KIFAP3: variants seen among roughly 807,000 people sequenced by gnomAD.
The protein encoded by KIFAP3 is kinesin-associated protein 3.
In KIFAP3, 68 loss-of-function variants were observed where a neutral mutation model predicts 106.5. That is an observed-to-expected ratio of 0.64 (90% CI 0.53 to 0.78). KIFAP3 has a LOEUF of 0.78. KIFAP3 is among the 30% of genes least tolerant of loss of function. KIFAP3 has a pLI of 0.00. For synonymous variants in KIFAP3, 320 were observed against 311.5 expected, an observed-to-expected ratio of 1.03 and a Z score of -0.29; for missense variants, 780 against 941.8, an observed-to-expected ratio of 0.83 and a Z score of 2.25.
intron 10 of KIFAP3, among the ~76,000 whole-genome samples, chr1:170,015,077 T>G (rs1422800751): frequency 6.6e-6 from 1 of 152,182 alleles, no homozygotes; most frequent in Non-Finnish European, 1.5e-5. Flanking sequence ...ACATTGGATA[T>G]TATGTCTTAT....
chr1:169,973,124 A>ATATATATATATATATATATAG (rs1361338751), intron 16 of KIFAP3, among the ~76,000 whole-genome samples: 3,142 of 46,686 alleles, frequency 0.067, 154 homozygotes, highest in East Asian at 0.11. Flanking sequence ...TATATATATA[A>ATATATATATATATATATATAG]ACAACACAAA....
chr1:169,924,923 G>A (rs569829829), intron 19 of KIFAP3, among the ~76,000 whole-genome samples: 1 of 152,148 alleles, frequency 6.6e-6, no homozygotes, highest in Non-Finnish European at 1.5e-5. Context: ...TGTATCACAG[G>A]AATTTGTATG....
rs147987671 is a variant in KIFAP3, at chr1:169,921,748, G to A, written c.2307C>T (p.Gly769=). ...ATGCTGTGGCAGGGCGTCCAAGAAT[G>A]CCAACTGGTTGGCCAAAGCCATCCA... ...LGMDGFGQPV[G]ILGRPATAYG... is the part of the protein sequence containing the mutation. The change falls in exon 20 of 20, where the codon GGC becomes GGT. Residue 769 remains glycine, a synonymous_variant. Transcript: ENST00000361580. 1.2e-6 allele frequency: 2 copies of A among 1,613,616 alleles called. No individual in the cohort carries two copies. The highest frequency in any genetic ancestry group is 1.3e-5 in the African/African-American group (1 of 74,882).
At chr1:169,976,795 C>T (rs1028020982) in intron 16 of KIFAP3, among the ~76,000 whole-genome samples, 9 of 152,182 alleles carry the variant, frequency 5.9e-5, no homozygotes, top group African/African-American at 2.2e-4. Flanking sequence ...TAGCTCACTG[C>T]AGCCTTGACC....
chr1:169,949,379 G>C (rs982939733), intron 19 of KIFAP3, among the ~76,000 whole-genome samples: 11 of 151,864 alleles, frequency 7.2e-5, no homozygotes, highest in African/African-American at 2.7e-4. Flanking sequence ...CCACAAAGAA[G>C]AACTCCAGGC....
At chr1:170,046,036 C>T (rs937742115) in intron 3 of KIFAP3, among the ~76,000 whole-genome samples, 1 of 151,828 alleles carries the variant, frequency 6.6e-6, no homozygotes, top group African/African-American at 2.4e-5. Context: ...ACAGCTTCTT[C>T]ATCATCCTGT....
intron 12 of KIFAP3, among the ~76,000 whole-genome samples, chr1:169,983,889 T>C (rs1666654779): frequency 6.6e-6 from 1 of 151,856 alleles, no homozygotes; most frequent in Non-Finnish European, 1.5e-5. Flanking sequence ...ACTATATCCA[T>C]AATAGTGAAG....
chr1:170,000,352 T>C (rs1322077823), intron 10 of KIFAP3, among the ~76,000 whole-genome samples: 1 of 152,120 alleles, frequency 6.6e-6, no homozygotes, highest in Non-Finnish European at 1.5e-5. Context: ...ATAATAGAAG[T>C]GGGAATATAA....
At chr1:170,079,086 AG>A (rs1671973334), upstream of KIFAP3, among the ~76,000 whole-genome samples, 1 of 152,302 alleles carries the variant, frequency 6.6e-6, no homozygotes, top group Admixed American at 6.5e-5. Flanking sequence ...TGTTGGAGAC[AG>A]GGCCTAATGG....
At chr1:169,997,030 A>T (rs1276540990) in intron 10 of KIFAP3, among the ~76,000 whole-genome samples, 7 of 152,196 alleles carry the variant, frequency 4.6e-5, no homozygotes, top group Non-Finnish European at 5.9e-5. Flanking sequence ...CTGTGATTTT[A>T]TGAGAAAAAC....
intron 1 of KIFAP3, among the ~76,000 whole-genome samples, chr1:170,083,055 A>G (rs1257125632): frequency 6.6e-6 from 1 of 152,182 alleles, no homozygotes; most frequent in Non-Finnish European, 1.5e-5. Flanking sequence ...TGTGATAGAG[A>G]AAACCAGTTC....
chr1:170,073,340 G>T (rs139442523), intron 1 of KIFAP3, among the ~76,000 whole-genome samples: 102 of 152,256 alleles, frequency 6.7e-4, no homozygotes, highest in African/African-American at 2.2e-3. Flanking sequence ...ATATATGCCT[G>T]TCTTGCCAGG....
intron 1 of KIFAP3, among the ~76,000 whole-genome samples, chr1:170,055,649 T>C (rs1246514327): frequency 1.3e-5 from 2 of 152,182 alleles, no homozygotes; most frequent in Non-Finnish European, 2.9e-5. Context: ...AATGTATACA[T>C]ATAACTTTGT....
chr1:170,019,749 A>G (rs1668712167), intron 9 of KIFAP3, among the ~76,000 whole-genome samples: 1 of 152,202 alleles, frequency 6.6e-6, no homozygotes, highest in Admixed American at 6.5e-5. Flanking sequence ...AGTGAAAGAC[A>G]TTGTTTTCCT....
At chr1:169,952,567 G>A (rs905296518) in intron 19 of KIFAP3, among the ~76,000 whole-genome samples, 2 of 151,990 alleles carry the variant, frequency 1.3e-5, no homozygotes, top group Non-Finnish European at 2.9e-5. Context: ...CAAAAAAGCT[G>A]AAAAATCACT....
At chr1:170,037,748 G>T (rs1669764373) in intron 5 of KIFAP3, among the ~76,000 whole-genome samples, 1 of 152,134 alleles carries the variant, frequency 6.6e-6, no homozygotes, top group South Asian at 2.1e-4. Context: ...TCCAGCCTGG[G>T]CAACAGAGGG....
chr1:170,074,423 G>A lies in KIFAP3; in HGVS notation c.32+13C>T. 1 of 1,613,866 alleles carries A rather than the reference G, an allele frequency of 6.2e-7. No homozygotes were observed. Among genetic ancestry groups the A allele is most frequent in the Non-Finnish European group, 8.5e-7 (1 of 1,179,910 alleles). On this transcript the variant is annotated intron_variant, in intron 1 of 19. Transcript: ENST00000361580. ...GGCAAGGAGGGTAGGACAGAGCCTT[G>A]GGGAGTCGTCACCTTTTGAGGTATC...
chr1:170,026,598 C>T (rs747836410), intron 8 of KIFAP3, among the ~76,000 whole-genome samples: 19 of 152,126 alleles, frequency 1.2e-4, no homozygotes, highest in Non-Finnish European at 2.8e-4. Context: ...GAAAAGAGTA[C>T]TGAAGAAGAA....
At chr1:170,003,264 C>T (rs1667758277) in intron 10 of KIFAP3, among the ~76,000 whole-genome samples, 1 of 152,134 alleles carries the variant, frequency 6.6e-6, no homozygotes, top group South Asian at 2.1e-4. Flanking sequence ...ACAAATAGAC[C>T]AAGTATTGCT....
Sources: allele counts gnomAD v4.1 joint callset (sites outside exome capture counted in the v4.1 genomes callset), GRCh38; gene constraint gnomAD v4.1.1; transcripts MANE v1.5; gene names NCBI Gene and HGNC (gene_info 2026-07-23, HGNC 2026-07-21).